The following SLC6A16 variants were observed in gnomAD, a reference collection of about 807,000 sequenced individuals.
SLC6A16 encodes the protein solute carrier family 6 member 16, also known as orphan sodium- and chloride-dependent neurotransmitter transporter NTT5.
In SLC6A16, 54 loss-of-function variants were observed where a neutral mutation model predicts 65.4. The ratio of observed to expected loss-of-function variants is 0.83; its 90% CI spans 0.66 to 1.04. The LOEUF (loss-of-function observed/expected upper bound fraction) is 1.04. SLC6A16 is among the 50% of genes least tolerant of loss of function. The pLI is 0.00. For missense variants in SLC6A16, 816 were observed against 914.0 expected (o/e 0.89, Z 1.38); for synonymous variants, 330 against 346.5 (o/e 0.95, Z 0.53).
intron 8 of SLC6A16, 49 bp downstream of exon 8, chr19:49,294,318 T>C (rs1432702470): frequency 7.0e-6 from 11 of 1,573,444 alleles, no homozygotes; most frequent in Non-Finnish European, 9.5e-6. Flanking sequence ...TCTGTTGTGC[T>C]AAAGGCTTTC....
chr19:49,310,643 T>A, intron 2 of SLC6A16, 133 bp from the exon 3 acceptor site: 1 of 963,794 alleles, frequency 1.0e-6, no homozygotes, highest in Non-Finnish European at 1.6e-6. Flanking sequence ...CACCCATGTC[T>A]ACATCCCTCA....
intron 1 of SLC6A16, chr19:49,312,545 C>T (rs1970542160): frequency 1.0e-6 from 1 of 984,852 alleles, no homozygotes; most frequent in Admixed American, 6.2e-5. Flanking sequence ...TCCTTATTCT[C>T]CAAGTTCCCG....
At chr19:49,338,998 CTG>C in the SLC6A16 span, 1 of 1,305,626 alleles carries the variant, frequency 7.7e-7, no homozygotes, top group Non-Finnish European at 1.1e-6. The surrounding 1 kb of genome is among the most constrained non-coding windows in gnomAD (Gnocchi z 5.0). Context: ...AGGGGGAGGG[CTG>C]TCAGTGAGTA....
At position 49,294,474 on chromosome 19, in the gene SLC6A16, T is replaced by A. The variant is rs915819393; in HGVS notation, c.1309A>T (p.Asn437Tyr). 1 of 1,613,934 alleles carries A rather than the reference T, an allele frequency of 6.2e-7. No individual in the cohort carries two copies. The highest frequency in any genetic ancestry group is 8.5e-7 in the Non-Finnish European group (1 of 1,180,022). Residue 437 changes from asparagine to tyrosine, a missense_variant, in exon 8 of 12, where the codon AAC becomes TAC. Asn to Tyr is a moderately radical substitution (Grantham distance 143, BLOSUM62 -2). Coordinates refer to ENST00000335875, the MANE Select transcript of SLC6A16 (RefSeq NM_014037.3). ...CAGGCATTGTAGATGGAGGTTGGGT[T>A]GTAAAGCAGGTTGACAGGGGGCTTG... Reference protein sequence around the residue: ...DAKPPVNLLYNPTSIYNAWLS... With the variant: ...DAKPPVNLLYYPTSIYNAWLS...
chr19:49,338,231 G>T, the SLC6A16 span: 1 of 1,421,562 alleles, frequency 7.0e-7, no homozygotes, highest in African/African-American at 1.4e-5. This position sits in a 1 kb window ranked among gnomAD's most constrained non-coding sequence, Gnocchi z 5.0. Flanking sequence ...AGACCCTGGC[G>T]TGGCTTCGCC....
intron 7 of SLC6A16, chr19:49,305,653 G>C (rs1970372389): frequency 6.6e-6 from 1 of 150,428 alleles, no homozygotes; most frequent in African/African-American, 2.4e-5. Flanking sequence ...GCTGGGCTCA[G>C]CCCCCAGCCA....
At chr19:49,322,172 C>T (rs1475263722) in intron 1 of SLC6A16, among the ~76,000 whole-genome samples, 1 of 151,954 alleles carries the variant, frequency 6.6e-6, no homozygotes, top group Non-Finnish European at 1.5e-5. Context: ...GTAGAAAATC[C>T]TAAAATTTTC....
At chr19:49,326,035 T>C (rs1390046599), upstream of SLC6A16, among the ~76,000 whole-genome samples, 2 of 150,298 alleles carry the variant, frequency 1.3e-5, no homozygotes, top group East Asian at 3.9e-4. Context: ...CCGGGCGTGG[T>C]GGCACACACC....
chr19:49,304,986 A>T (rs899539951), intron 7 of SLC6A16, among the ~76,000 whole-genome samples: 1 of 152,248 alleles, frequency 6.6e-6, no homozygotes, highest in Admixed American at 6.5e-5. Context: ...GAAGTTGTAG[A>T]TATATGTGGT....
chr19:49,327,383 C>T (rs976962195), upstream of SLC6A16, among the ~76,000 whole-genome samples: 2 of 152,144 alleles, frequency 1.3e-5, no homozygotes, highest in Admixed American at 6.5e-5. Context: ...CCACTGCGCC[C>T]GGCCCATAGA....
At chr19:49,306,130 C>CT (rs1970381406) in intron 7 of SLC6A16, 1 of 151,988 alleles carries the variant, frequency 6.6e-6, no homozygotes, top group Non-Finnish European at 1.5e-5. Flanking sequence ...AACCCTGTCT[C>CT]TGCTAAAAAT....
the SLC6A16 span, among the ~76,000 whole-genome samples, chr19:49,335,019 A>T: frequency 1.8e-4 from 27 of 152,248 alleles, no homozygotes; most frequent in African/African-American, 6.5e-4. This position sits in a 1 kb window ranked among gnomAD's most constrained non-coding sequence, Gnocchi z 4.6. Flanking sequence ...AGTAGCAGGA[A>T]GGTGGGGACA....
At chr19:49,326,581 T>C (rs984898904), upstream of SLC6A16, among the ~76,000 whole-genome samples, 1 of 152,164 alleles carries the variant, frequency 6.6e-6, no homozygotes, top group Admixed American at 6.5e-5. Context: ...CAACACGTAT[T>C]TATCGAGAGT....
intron 7 of SLC6A16, among the ~76,000 whole-genome samples, chr19:49,302,647 C>G (rs1371319006): frequency 6.6e-6 from 1 of 152,172 alleles, no homozygotes; most frequent in African/African-American, 2.4e-5. Flanking sequence ...CAAAGAATAG[C>G]AGATCCACTA....
chr19:49,312,629 A>G (rs1600642413), intron 1 of SLC6A16: 1 of 943,194 alleles, frequency 1.1e-6, no homozygotes, highest in Non-Finnish European at 1.3e-6. Flanking sequence ...AAAAAGTTAC[A>G]TGAAAGAGAG....
At position 49,293,208 on chromosome 19, in the gene SLC6A16, G is replaced by A; in HGVS notation, c.1778+15C>T. 6.2e-7 allele frequency: 1 copy of A among 1,613,758 alleles called. No homozygotes were observed. Among genetic ancestry groups the A allele is most frequent in the South Asian group, 1.1e-5 (1 of 91,048 alleles). ...TAGTCCCATGCTTTGTGAGAACCTG[G>A]GCTTAGGACATCACCTCCTGGCCCC... On this transcript the variant is annotated intron_variant, in intron 10 of 11. Transcript: ENST00000335875.
chr19:49,330,968 G>A, the SLC6A16 span, among the ~76,000 whole-genome samples: 1 of 151,710 alleles, frequency 6.6e-6, no homozygotes, highest in Non-Finnish European at 1.5e-5. Flanking sequence ...CAGATTGCCA[G>A]GCCCGCCCCC....
At chr19:49,324,388 A>G (rs996397968) in intron 1 of SLC6A16, among the ~76,000 whole-genome samples, 1 of 152,212 alleles carries the variant, frequency 6.6e-6, no homozygotes, top group African/African-American at 2.4e-5. Flanking sequence ...ATTCTAGAAC[A>G]GTTGTCCTTA....
intron 7 of SLC6A16, among the ~76,000 whole-genome samples, chr19:49,307,839 T>G (rs1422205285): frequency 6.6e-6 from 1 of 151,896 alleles, no homozygotes; most frequent in Non-Finnish European, 1.5e-5. Context: ...ACAGAATTAA[T>G]GGCTCTGTCT....
Sources: gnomAD v4.1 joint callset for allele counts (sites outside exome capture counted in the v4.1 genomes callset) on GRCh38, gnomAD v4.1.1 for gene constraint, Gnocchi (gnomAD v3.1) non-coding constraint, MANE v1.5 for transcripts, NCBI Gene and HGNC (gene_info 2026-07-23, HGNC 2026-07-21) for gene names.